The following DDX60L variants were observed in gnomAD, a reference collection of about 807,000 sequenced individuals.
The protein encoded by DDX60L is probable ATP-dependent RNA helicase DDX60-like.
Under a neutral mutation model 211.6 loss-of-function variants are expected in DDX60L, and 191 were observed. That is an observed-to-expected ratio of 0.90 (90% CI 0.80 to 1.02). DDX60L has a LOEUF of 1.02. Among genes scored for constraint, DDX60L ranks in the 50% least tolerant of loss-of-function variants. DDX60L has a pLI of 0.00. For missense variants in DDX60L, 2,007 were observed against 1,984.1 expected, an observed-to-expected ratio of 1.01 and a Z score of -0.22; for synonymous variants, 706 against 694.1, an observed-to-expected ratio of 1.02 and a Z score of -0.27.
In DDX60L at chr4:168,395,623, A is replaced by G. The variant is rs559172612; in HGVS notation, c.3657+336T>C. 2.3e-5 allele frequency: 4 copies of G among 176,476 alleles called. No homozygotes were observed. In the South Asian group the frequency reaches 5.2e-4, roughly 23 times the overall value. 10.9% of individuals were successfully genotyped at this position (176,476 alleles called of 1,614,324 possible). On this transcript the variant is annotated intron_variant, in intron 27 of 37. Transcript: ENST00000682922. ...TCTGAAATTGAAACTTTCAGTTGACATTATTTAAAATATATTGTGTCATAA... is the reference window on the plus strand; with the variant it reads ...TCTGAAATTGAAACTTTCAGTTGACGTTATTTAAAATATATTGTGTCATAA...
intron 28 of DDX60L, among the ~76,000 whole-genome samples, 166 bp from the exon 29 acceptor site, chr4:168,391,810 C>G (rs139299603): frequency 6.6e-6 from 1 of 152,322 alleles, no homozygotes; most frequent in East Asian, 1.9e-4. Context: ...CCTGATTATT[C>G]AAAGAACATT....
intron 14 of DDX60L, 47 bp from the exon 15 acceptor site, chr4:168,423,821 CTGGT>C (rs763493972): frequency 1.4e-5 from 18 of 1,264,846 alleles, no homozygotes; most frequent in Non-Finnish European, 1.6e-5. Flanking sequence ...CCAAAAATAA[CTGGT>C]TGATCACTTA....
At chr4:168,473,029 G>A (rs1759012532) in intron 1 of DDX60L, among the ~76,000 whole-genome samples, 1 of 152,148 alleles carries the variant, frequency 6.6e-6, no homozygotes, top group African/African-American at 2.4e-5. Context: ...CTGAAGGAAT[G>A]AGTACTCCCT....
In DDX60L at chr4:168,432,450, C is replaced by T; in HGVS notation, c.1516+5G>A. 1 of 1,535,028 alleles carries T rather than the reference C, an allele frequency of 6.5e-7. No homozygotes were observed. On this transcript the variant is annotated splice_donor_5th_base_variant and intron_variant, in intron 12 of 37. Coordinates refer to ENST00000682922, the MANE Select transcript of DDX60L (RefSeq NM_001012967.3). Reference sequence around the variant, plus strand: ...GCTCTATTTTATCGTGGTTACAGAGCTCACCATCAACATGACATTTGATCC... The same window carrying T: ...GCTCTATTTTATCGTGGTTACAGAGTTCACCATCAACATGACATTTGATCC...
intron 4 of DDX60L, among the ~76,000 whole-genome samples, chr4:168,464,443 ATT>A (rs34052527): frequency 1.4e-5 from 2 of 138,928 alleles, no homozygotes. Flanking sequence ...TTATAATTGT[ATT>A]TTTTTTTTTT....
intron 36 of DDX60L, among the ~76,000 whole-genome samples, chr4:168,364,070 T>C (rs2684356): frequency 0.7 from 106,173 of 152,010 alleles, 38,947 homozygotes; most frequent in East Asian, 0.85. Flanking sequence ...CAGTGAGCTA[T>C]GATTGTGCCA....
At chr4:168,470,852 A>T (rs999244395) in intron 4 of DDX60L, 2 of 280,162 alleles carry the variant, frequency 7.1e-6, no homozygotes, top group African/African-American at 4.6e-5. Flanking sequence ...AAAAAAAAAA[A>T]GAAAGTTCTA....
At chr4:168,397,832 C>T (rs933098279) in intron 26 of DDX60L, among the ~76,000 whole-genome samples, 1 of 152,210 alleles carries the variant, frequency 6.6e-6, no homozygotes. Flanking sequence ...AGGTGGAAGT[C>T]CTGCCCACTT....
At chr4:168,441,629 A>G (rs1368838021) in intron 9 of DDX60L, 137 bp from the exon 10 acceptor site, 1 of 644,026 alleles carries the variant, frequency 1.6e-6, no homozygotes, top group Non-Finnish European at 2.5e-6. Context: ...TACACAATAC[A>G]CTTGCATGAA....
intron 36 of DDX60L, among the ~76,000 whole-genome samples, chr4:168,364,732 T>C (rs1190247567): frequency 5.3e-5 from 8 of 152,192 alleles, no homozygotes; most frequent in Non-Finnish European, 1.2e-4. Flanking sequence ...CACATTTTTC[T>C]CAACCGTACA....
intron 36 of DDX60L, among the ~76,000 whole-genome samples, chr4:168,363,869 G>A (rs968153178): frequency 3.3e-5 from 5 of 152,060 alleles, no homozygotes; most frequent in Non-Finnish European, 4.4e-5. Context: ...TAATTACCTC[G>A]AAAATAAATA....
At position 168,461,939 on chromosome 4, in the gene DDX60L, C is replaced by T. The variant is rs764573330; in HGVS notation, c.366G>A (p.Glu122=). ...QHNTNIDVQT[E]FSGCLSQDWK... ...AATCTTGTGATAAGCATCCAGAAAACTCCGTTTGCACATCAATGTTAGTAT... is the reference window on the plus strand; with the variant it reads ...AATCTTGTGATAAGCATCCAGAAAATTCCGTTTGCACATCAATGTTAGTAT... Residue 122 remains glutamate (E), a synonymous_variant, in exon 5 of 38, where the codon GAG becomes GAA. Coordinates refer to ENST00000682922, the MANE Select transcript of DDX60L (RefSeq NM_001012967.3). The T allele has an allele frequency of 6.2e-7, 1 of 1,613,076 alleles. No individual in the cohort carries two copies. Among genetic ancestry groups the T allele is most frequent in the South Asian group, 1.1e-5 (1 of 90,860 alleles).
intron 5 of DDX60L, among the ~76,000 whole-genome samples, chr4:168,459,802 A>AGGAAGGAAGGAAGGAAGGAG: frequency 3.0e-5 from 4 of 132,988 alleles, no homozygotes; most frequent in African/African-American, 8.2e-5. Flanking sequence ...GAAGGAAGGA[A>AGGAAGGAAGGAAGGAAGGAG]GGAAGGAAGG....
At chr4:168,359,297 A>G (rs1234639975) in intron 37 of DDX60L, among the ~76,000 whole-genome samples, 1 of 152,224 alleles carries the variant, frequency 6.6e-6, no homozygotes, top group Non-Finnish European at 1.5e-5. Flanking sequence ...TGACTGCTGA[A>G]CATTTCCCCC....
chr4:168,422,010 T>C (rs1241323469), intron 16 of DDX60L, 101 bp from the exon 17 acceptor site: 4 of 1,480,076 alleles, frequency 2.7e-6, no homozygotes, highest in African/African-American at 1.4e-5. Context: ...GCCTGTATTA[T>C]GCTACCTTTG....
intron 4 of DDX60L, among the ~76,000 whole-genome samples, chr4:168,462,924 C>T (rs59726178): frequency 2.6e-5 from 4 of 152,286 alleles, no homozygotes; most frequent in East Asian, 1.9e-4. Context: ...GAGATACCAT[C>T]TCACGCCAGT....
At chr4:168,440,689 C>T (rs1753702296) in intron 10 of DDX60L, among the ~76,000 whole-genome samples, 1 of 152,190 alleles carries the variant, frequency 6.6e-6, no homozygotes, top group Admixed American at 6.5e-5. Flanking sequence ...GTCAACCTTT[C>T]CAGACTGGGT....
At chr4:168,394,709 C>A in intron 27 of DDX60L, 92 bp from the exon 28 acceptor site, 1 of 1,218,942 alleles carries the variant, frequency 8.2e-7, no homozygotes. Flanking sequence ...ACAAGCAAAT[C>A]ACTTACATCT....
rs1469559824 is a variant in DDX60L at position 168,430,657 on chromosome 4, A to C, written c.1517-19T>G. 2.0e-6 allele frequency: 3 copies of C among 1,491,362 alleles called. No individual in the cohort carries two copies. The highest frequency in any genetic ancestry group is 2.7e-6 in the Non-Finnish European group (3 of 1,116,466). 92.4% of individuals were successfully genotyped at this position (1,491,362 alleles called of 1,614,324 possible). ...GATTGTTCTGAAATAGAAAGACTTA[A>C]AATGTAAACATGTATTTTAAAATAT... On this transcript the variant is annotated intron_variant, in intron 12 of 37. Transcript: ENST00000682922.
Sources: gnomAD v4.1 joint callset for allele counts (sites outside exome capture counted in the v4.1 genomes callset) on GRCh38, gnomAD v4.1.1 for gene constraint, MANE v1.5 for transcripts, NCBI Gene and HGNC (gene_info 2026-07-23, HGNC 2026-07-21) for gene names.